RABGAP1L: variants seen among roughly 807,000 people sequenced by gnomAD.
The protein encoded by RABGAP1L is RAB GTPase activating protein 1 like.
In RABGAP1L, 63 loss-of-function variants were observed where a neutral mutation model predicts 137.7. The observed-to-expected ratio is 0.46, with a 90% CI of 0.37 to 0.56. The LOEUF (loss-of-function observed/expected upper bound fraction) is 0.56, where lower values mean the gene tolerates loss of function less well. Among genes scored for constraint, RABGAP1L ranks in the 20% least tolerant of loss-of-function variants. The probability of loss-of-function intolerance (pLI) is 0.00; values close to 1 mark genes in which losing one functional copy is unlikely to be tolerated. For missense variants in RABGAP1L, 1,095 were observed against 1,244.0 expected, an observed-to-expected ratio of 0.88 and a Z score of 1.80; for synonymous variants, 431 against 433.7, an observed-to-expected ratio of 0.99 and a Z score of 0.08.
chr1:174,384,586 C>A (rs1416930512), intron 12 of RABGAP1L, among the ~76,000 whole-genome samples: 1 of 151,648 alleles, frequency 6.6e-6, no homozygotes, highest in African/African-American at 2.4e-5. Context: ...GTGTTCTTTT[C>A]TCTTGTCAGA....
intron 18 of RABGAP1L, among the ~76,000 whole-genome samples, chr1:174,795,565 C>T (rs1031089541): frequency 1.3e-5 from 2 of 152,130 alleles, no homozygotes; most frequent in African/African-American, 4.8e-5. Flanking sequence ...AACCCCAAGT[C>T]CCAAGTTTTT....
At chr1:174,946,527 T>C (rs1338373975) in intron 19 of RABGAP1L, among the ~76,000 whole-genome samples, 1 of 152,124 alleles carries the variant, frequency 6.6e-6, no homozygotes, top group Admixed American at 6.6e-5. Flanking sequence ...GTGTGTTACT[T>C]AGTCTTTCTT....
At chr1:174,269,094 C>T (rs1282100395) in intron 7 of RABGAP1L, among the ~76,000 whole-genome samples, 1 of 152,088 alleles carries the variant, frequency 6.6e-6, no homozygotes, top group Non-Finnish European at 1.5e-5. Context: ...ATGCGCCCGC[C>T]ACCAGGCCCG....
chr1:174,974,211 C>T (rs549958976), intron 21 of RABGAP1L, among the ~76,000 whole-genome samples: 82 of 151,788 alleles, frequency 5.4e-4, no homozygotes, highest in Middle Eastern at 3.4e-3. Flanking sequence ...AGGATGGCCT[C>T]GATCTCCTGA....
intron 11 of RABGAP1L, among the ~76,000 whole-genome samples, chr1:174,350,147 C>T (rs1682987241): frequency 1.4e-5 from 2 of 143,918 alleles, no homozygotes; most frequent in Admixed American, 1.3e-4. Context: ...GCTGACCCCC[C>T]ACCTCCCTCC....
chr1:174,387,328 C>T (rs1006892346), intron 12 of RABGAP1L, among the ~76,000 whole-genome samples: 1 of 152,114 alleles, frequency 6.6e-6, no homozygotes, highest in African/African-American at 2.4e-5. Context: ...ATAGTTTCTA[C>T]CCTCAAGGTT....
At chr1:174,763,340 A>AC (rs1239400072) in intron 18 of RABGAP1L, among the ~76,000 whole-genome samples, 1 of 150,718 alleles carries the variant, frequency 6.6e-6, no homozygotes, top group Non-Finnish European at 1.5e-5. Flanking sequence ...ACACGGTGAA[A>AC]CCCCGTCTCT....
At chr1:174,308,717 A>G (rs1186612954) in intron 11 of RABGAP1L, among the ~76,000 whole-genome samples, 1 of 151,810 alleles carries the variant, frequency 6.6e-6, no homozygotes, top group Non-Finnish European at 1.5e-5. Flanking sequence ...TGTTCTGTTT[A>G]TCCCATTGGT....
At chr1:174,416,041 C>CATAT (rs1650551124) in intron 13 of RABGAP1L, among the ~76,000 whole-genome samples, 2 of 76,274 alleles carry the variant, frequency 2.6e-5, no homozygotes, top group African/African-American at 2.1e-4. Flanking sequence ...TATATACACA[C>CATAT]ACATTTTTTT....
chr1:174,188,782 G>C (rs1666997192), intron 1 of RABGAP1L, among the ~76,000 whole-genome samples: 1 of 152,190 alleles, frequency 6.6e-6, no homozygotes, highest in Non-Finnish European at 1.5e-5. Flanking sequence ...AGTGCTCTAA[G>C]CAGATGTGCT....
intron 13 of RABGAP1L, among the ~76,000 whole-genome samples, chr1:174,456,368 A>G (rs901514110): frequency 9.2e-5 from 14 of 152,108 alleles, no homozygotes; most frequent in African/African-American, 2.7e-4. Context: ...TGATGAAGAC[A>G]TCAAAATCAC....
At chr1:174,289,647 C>T (rs1210715825) in intron 10 of RABGAP1L, among the ~76,000 whole-genome samples, 1 of 152,192 alleles carries the variant, frequency 6.6e-6, no homozygotes. Context: ...AAGATCTTTA[C>T]TAGTCTGCCA....
Position 174,988,775 on chromosome 1 carries a change from A to G in RABGAP1L, c.2940A>G (p.Arg980=), listed in dbSNP as rs1432237279. 2.6e-6 allele frequency: 4 copies of G among 1,550,178 alleles called. No homozygotes were observed. Among genetic ancestry groups the G allele is most frequent in the Non-Finnish European group, 2.6e-6 (3 of 1,146,846 alleles). The change falls in exon 25 of 26, where the codon AGA becomes AGG. Residue 980 remains arginine (R), a synonymous_variant. Coordinates refer to ENST00000681986, the MANE Select transcript of RABGAP1L (RefSeq NM_001366446.1). Reference sequence around the variant, plus strand: ...AGGACTCACTTAAGAAGCAGCTGAGAGAGATGGAACTGGAACTGGCACAAA... The same window carrying G: ...AGGACTCACTTAAGAAGCAGCTGAGGGAGATGGAACTGGAACTGGCACAAA... ...DEKDSLKKQL[R]EMELELAQTK...
intron 13 of RABGAP1L, among the ~76,000 whole-genome samples, chr1:174,624,650 T>C (rs1196276953): frequency 6.6e-6 from 1 of 152,180 alleles, no homozygotes; most frequent in Non-Finnish European, 1.5e-5. Context: ...GGAATCATTT[T>C]TGGCAATTCA....
At chr1:174,272,235 C>A (rs1674612588) in intron 7 of RABGAP1L, among the ~76,000 whole-genome samples, 179 bp from the exon 8 acceptor site, 1 of 151,692 alleles carries the variant, frequency 6.6e-6, no homozygotes, top group Non-Finnish European at 1.5e-5. Flanking sequence ...TGACTTATTT[C>A]TGTGTGATTT....
intron 19 of RABGAP1L, among the ~76,000 whole-genome samples, chr1:174,866,999 G>A (rs1651373783): frequency 6.6e-6 from 1 of 151,756 alleles, no homozygotes; most frequent in Non-Finnish European, 1.5e-5. Flanking sequence ...GAGGTGGGAG[G>A]ATCACTTGAA....
chr1:174,349,522 T>A (rs1682847662), intron 11 of RABGAP1L, among the ~76,000 whole-genome samples: 2 of 106,704 alleles, frequency 1.9e-5, no homozygotes, highest in Admixed American at 9.3e-5. Context: ...CACTTCCCAG[T>A]AGGGGCGGCC....
intron 13 of RABGAP1L, among the ~76,000 whole-genome samples, chr1:174,414,361 T>A (rs1439066176): frequency 6.6e-6 from 1 of 152,190 alleles, no homozygotes; most frequent in Non-Finnish European, 1.5e-5. Flanking sequence ...TTTTATTTGC[T>A]GTTTTACTTT....
chr1:174,877,605 G>C (rs753032195), intron 19 of RABGAP1L: 1 of 1,612,478 alleles, frequency 6.2e-7, no homozygotes, highest in Non-Finnish European at 8.5e-7. Flanking sequence ...CCAGGTCTAT[G>C]GTAGGTGGTG....
Sources: gnomAD v4.1 joint callset for allele counts (sites outside exome capture counted in the v4.1 genomes callset) on GRCh38, gnomAD v4.1.1 for gene constraint, MANE v1.5 for transcripts, NCBI Gene and HGNC (gene_info 2026-07-23, HGNC 2026-07-21) for gene names.